Variants in B3GLCT observed in about 807,000 individuals in gnomAD.
B3GLCT encodes beta-1,3-glucosyltransferase.
Under a neutral mutation model 63.4 loss-of-function variants are expected in B3GLCT, and 65 were observed. That is an observed-to-expected ratio of 1.03 (90% CI 0.84 to 1.26). B3GLCT has a LOEUF of 1.26. B3GLCT is among the 50% of genes most tolerant of loss of function. The pLI is 0.00. For missense variants in B3GLCT, 577 were observed against 604.8 expected, an observed-to-expected ratio of 0.95 and a Z score of 0.48; for synonymous variants, 233 against 219.2, an observed-to-expected ratio of 1.06 and a Z score of -0.55.
Position 31,240,563 on chromosome 13 carries a change from G to A in B3GLCT, c.271-6460G>A, listed in dbSNP as rs1870888371. The stretch of plus-strand genomic sequence containing the variant: ...AAAGCCTTTCATAGATTAGTGTAAA[G>A]AAGCTTGAGAAAGATGGCCTGGCGT... On this transcript the variant is annotated intron_variant, in intron 4 of 14. Transcript: ENST00000343307. 2.0e-5 allele frequency among the ~76,000 whole-genome samples: 3 copies of A among 149,466 alleles called. No individual in the cohort carries two copies. The South Asian group carries it at 6.4e-4, about 32-fold the overall frequency.
At chr13:31,200,647 C>T (rs141794695) in intron 1 of B3GLCT, among the ~76,000 whole-genome samples, 158 of 151,936 alleles carry the variant, frequency 1.0e-3, no homozygotes, top group Non-Finnish European at 1.6e-3. Flanking sequence ...AGGCGGCCCT[C>T]GAGGCCCCGC....
At chr13:31,269,641 C>G (rs1429956428) in intron 8 of B3GLCT, among the ~76,000 whole-genome samples, 1 of 138,152 alleles carries the variant, frequency 7.2e-6, no homozygotes, top group African/African-American at 2.9e-5. Flanking sequence ...GATCATGTCC[C>G]CGCCCCCCTA....
intron 10 of B3GLCT, among the ~76,000 whole-genome samples, chr13:31,281,134 TTTG>T: frequency 6.6e-6 from 1 of 152,224 alleles, no homozygotes; most frequent in South Asian, 2.1e-4. Context: ...AGCCACTGGT[TTTG>T]TTCATCAAAT....
In B3GLCT at chr13:31,320,415, C is replaced by G. The variant is rs1349006991; in HGVS notation, c.1184+2730C>G. On this transcript the variant is annotated intron_variant, in intron 13 of 14. Coordinates refer to ENST00000343307, the MANE Select transcript of B3GLCT (RefSeq NM_194318.4). ...AAAAGTTTTGTCTTCTACCCACTTA[C>G]CAGGCCCAGTTTGCCGCTGAAAGCT... is the stretch of plus-strand genomic sequence containing the variant. Among the ~76,000 whole-genome samples, 3 of 152,320 alleles carry G rather than the reference C, an allele frequency of 2.0e-5. No homozygotes were observed. In the East Asian group the frequency reaches 5.8e-4, roughly 29 times the overall value.
intron 13 of B3GLCT, among the ~76,000 whole-genome samples, chr13:31,321,885 T>G (rs1240009462): frequency 1.3e-5 from 2 of 152,120 alleles, no homozygotes; most frequent in East Asian, 1.9e-4. Flanking sequence ...AGGAGGTGTT[T>G]GGTTATATGA....
intron 4 of B3GLCT, 72 bp from the exon 5 acceptor site, chr13:31,246,951 C>CTTTTTTTTTTTTTTTTTCTTTTTTTTT: frequency 2.6e-6 from 2 of 778,768 alleles, no homozygotes; most frequent in East Asian, 3.1e-5. Context: ...CTTTTCTTTT[C>CTTTTTTTTTTTTTTTTTCTTTTTTTTT]TTTTTTTTTT....
Position 31,316,777 on chromosome 13 carries a change from C to A in B3GLCT, c.1065-789C>A, listed in dbSNP as rs76208348. On this transcript the variant is annotated intron_variant, in intron 12 of 14. Transcript: ENST00000343307. ...GTGTCTACTTAAAAAAGTTATTTTT[C>A]GATTTTATTTTCCTATAAATTCATT... 6.6e-3 allele frequency among the ~76,000 whole-genome samples: 997 copies of A among 152,018 alleles called. 14 individuals carry two copies. The highest frequency in any genetic ancestry group is 0.023 in the African/African-American group (966 of 41,484).
intron 14 of B3GLCT, among the ~76,000 whole-genome samples, chr13:31,327,130 T>G (rs149073688): frequency 7.9e-5 from 12 of 152,338 alleles, no homozygotes; most frequent in African/African-American, 2.9e-4. Context: ...GTATACTATG[T>G]TTTTTCTTAT....
rs752091076 is a variant in B3GLCT, at chr13:31,223,002, A to AT, written c.160+19dup. 152 of 1,471,880 alleles carry AT rather than the reference A, an allele frequency of 1.0e-4. No homozygotes were observed. The highest frequency in any genetic ancestry group is 1.7e-4 in the Middle Eastern group (1 of 5,768). 91.2% of individuals were successfully genotyped at this position (1,471,880 alleles called of 1,614,324 possible). A position where few individuals can be genotyped will look rare whatever the true frequency, so the allele number is the denominator to read the frequency against. On this transcript the variant is annotated intron_variant, in intron 3 of 14. Coordinates refer to ENST00000343307, the MANE Select transcript of B3GLCT (RefSeq NM_194318.4). Reference sequence around the variant, plus strand: ...GGAAAAATGACATAGGTAAGTAATGATTTTTTTTACCTAAGAGTGTGTACT... The same window carrying AT: ...GGAAAAATGACATAGGTAAGTAATGATTTTTTTTTACCTAAGAGTGTGTACT...
intron 6 of B3GLCT, among the ~76,000 whole-genome samples, chr13:31,255,841 T>C (rs9529871): frequency 0.64 from 96,712 of 152,082 alleles, 31,540 homozygotes; most frequent in East Asian, 0.99. Context: ...CATAAAAACC[T>C]CAGAAGAAAA....
chr13:31,258,056 A>T (rs9529902), intron 6 of B3GLCT, among the ~76,000 whole-genome samples: 7 of 151,982 alleles, frequency 4.6e-5, no homozygotes, highest in Admixed American at 4.6e-4. Flanking sequence ...TAAGGGATGC[A>T]TTGGGAATGG....
At chr13:31,229,480 T>C (rs1434030154) in intron 4 of B3GLCT, among the ~76,000 whole-genome samples, 186 bp downstream of exon 4, 1 of 152,220 alleles carries the variant, frequency 6.6e-6, no homozygotes, top group Admixed American at 6.5e-5. Flanking sequence ...GCGTGGTGGC[T>C]CACGCCTGTA....
Position 31,331,891 on chromosome 13 carries a change from T to G in B3GLCT, c.*2223T>G, listed in dbSNP as rs1345909310. 2 of 152,218 alleles carry G rather than the reference T, an allele frequency of 1.3e-5. No individual in the cohort carries two copies. The highest frequency in any genetic ancestry group is 4.8e-5 in the African/African-American group (2 of 41,454). The allele number at this position is 152,218 out of a possible 1,614,324, so 9.4% of individuals were successfully genotyped here. ...AATGGCTATTTTTAGGCTAGGGATGTTAACATCAGGGATTTGTGTGTGGAA... is the reference window on the plus strand; with the variant it reads ...AATGGCTATTTTTAGGCTAGGGATGGTAACATCAGGGATTTGTGTGTGGAA... On this transcript the variant is annotated 3_prime_UTR_variant, in exon 15 of 15. Transcript: ENST00000343307.
chr13:31,287,943 C>G (rs780952990), intron 12 of B3GLCT, among the ~76,000 whole-genome samples: 3 of 152,102 alleles, frequency 2.0e-5, no homozygotes, highest in Middle Eastern at 3.2e-3. Context: ...TAATAACTAT[C>G]CAAACTGAAA....
chr13:31,240,106 G>A (rs981896923), intron 4 of B3GLCT, among the ~76,000 whole-genome samples: 1 of 152,074 alleles, frequency 6.6e-6, no homozygotes, highest in Non-Finnish European at 1.5e-5. Flanking sequence ...ATGGTTCCAG[G>A]CAAGGCAACC....
chr13:31,256,103 A>T (rs1871725014), intron 6 of B3GLCT, among the ~76,000 whole-genome samples: 1 of 152,232 alleles, frequency 6.6e-6, no homozygotes, highest in African/African-American at 2.4e-5. Flanking sequence ...TACGAGAAAG[A>T]ACGCCATCAA....
intron 12 of B3GLCT, among the ~76,000 whole-genome samples, chr13:31,289,263 A>G (rs922521159): frequency 5.3e-5 from 8 of 152,208 alleles, no homozygotes; most frequent in African/African-American, 1.7e-4. Flanking sequence ...CAAAATGACC[A>G]AACTTATAAA....
intron 6 of B3GLCT, among the ~76,000 whole-genome samples, chr13:31,258,091 C>G (rs1871830258): frequency 6.6e-6 from 1 of 152,110 alleles, no homozygotes; most frequent in South Asian, 2.1e-4. Context: ...ATAGGGTGTT[C>G]AAGGAATACC....
intron 8 of B3GLCT, among the ~76,000 whole-genome samples, chr13:31,269,597 G>T (rs2137846885): frequency 6.6e-6 from 1 of 152,116 alleles, no homozygotes; most frequent in South Asian, 2.1e-4. Context: ...CTTACTTGAT[G>T]CTTCGGTTGT....
Sources: allele counts gnomAD v4.1 joint callset (sites outside exome capture counted in the v4.1 genomes callset), GRCh38; gene constraint gnomAD v4.1.1; transcripts MANE v1.5; gene names NCBI Gene and HGNC (gene_info 2026-07-23, HGNC 2026-07-21).